The following SLC35F5 variants were observed in gnomAD, a reference collection of about 807,000 sequenced individuals.
SLC35F5 encodes HCV NS5A-transactivated protein 3.
In SLC35F5, 54 loss-of-function variants were observed where a neutral mutation model predicts 68.6. That is an observed-to-expected ratio of 0.79 (90% CI 0.63 to 0.99). The LOEUF is 0.99. SLC35F5 is among the 50% of genes least tolerant of loss of function. The pLI is 0.00. For missense variants in SLC35F5, 567 were observed against 626.9 expected (o/e 0.90, Z 1.02); for synonymous variants, 211 against 205.2 (o/e 1.03, Z -0.24).
chr2:113,756,113 A>T, intron 1 of SLC35F5: 1 of 1,445,414 alleles, frequency 6.9e-7, no homozygotes, highest in African/African-American at 1.4e-5. Flanking sequence ...TCTGTTTTGG[A>T]GCGGGGAAGA....
At chr2:113,741,540 A>G (rs570827114) in intron 7 of SLC35F5, among the ~76,000 whole-genome samples, 2 of 152,154 alleles carry the variant, frequency 1.3e-5, no homozygotes, top group South Asian at 2.1e-4. Flanking sequence ...TGTCTCTACT[A>G]AAAATACAAA....
rs766055775 is a variant in SLC35F5, at chr2:113,725,464, G to A, written c.1164C>T (p.Asp388=). Residue 388 remains aspartate, a synonymous_variant, in exon 12 of 16, where the codon GAC becomes GAT. Transcript: ENST00000245680. The stretch of plus-strand genomic sequence containing the variant: ...ATACTACTTTATTGGGAAACTCGAA[G>A]TCCTCAAATCCAGTATAATGAAGTA... The part of the protein sequence containing the change: ...FFLLHYTGFE[D]FEFPNKVVLM... The A allele has an allele frequency of 6.2e-7, 1 of 1,611,462 alleles. No individual in the cohort carries two copies. The highest frequency in any genetic ancestry group is 8.5e-7 in the Non-Finnish European group (1 of 1,179,214).
intron 3 of SLC35F5, among the ~76,000 whole-genome samples, chr2:113,753,335 C>A (rs1676834477): frequency 6.6e-6 from 1 of 151,970 alleles, no homozygotes; most frequent in East Asian, 1.9e-4. Flanking sequence ...CCCACCACCA[C>A]ACCCAGCTAA....
Position 113,717,642 on chromosome 2 carries a change from T to C in SLC35F5, c.*22+111A>G, listed in dbSNP as rs1387171805. ...ACTGGAGTCCAGGCTTTAGCCCCTTTAGCCTCTAAGGCTGTATTGCCTCTC... is the reference window on the plus strand; with the variant it reads ...ACTGGAGTCCAGGCTTTAGCCCCTTCAGCCTCTAAGGCTGTATTGCCTCTC... On this transcript the variant is annotated intron_variant, in intron 15 of 15. Transcript: ENST00000245680. The C allele has an allele frequency of 1.0e-5, 7 of 671,758 alleles. No homozygotes were observed. In the African/African-American group the frequency reaches 1.3e-4, roughly 12 times the overall value. 41.6% of individuals were successfully genotyped at this position (671,758 alleles called of 1,614,324 possible).
chr2:113,727,928 A>C (rs1251014112), intron 11 of SLC35F5, among the ~76,000 whole-genome samples: 1 of 152,232 alleles, frequency 6.6e-6, no homozygotes, highest in Non-Finnish European at 1.5e-5. Context: ...CACTAAAAAA[A>C]ACTAGCATTT....
downstream of SLC35F5, chr2:113,703,937 G>A (rs1468504613): frequency 6.6e-6 from 1 of 152,620 alleles, no homozygotes; most frequent in African/African-American, 2.4e-5. Flanking sequence ...CTCGCGGTGA[G>A]TGTTACAGTT....
chr2:113,703,316 A>G (rs1485167311), downstream of SLC35F5, among the ~76,000 whole-genome samples: 4 of 152,218 alleles, frequency 2.6e-5, 1 homozygote, highest in South Asian at 4.1e-4. Flanking sequence ...GTTACAGTCC[A>G]TATGCTAAAA....
chr2:113,750,375 A>C (rs771790297), intron 4 of SLC35F5, 50 bp downstream of exon 4: 1 of 1,477,008 alleles, frequency 6.8e-7, no homozygotes, highest in South Asian at 1.4e-5. Context: ...AACTTTGAAA[A>C]AACGTATCTA....
At chr2:113,706,556 A>T (rs1686803786), downstream of SLC35F5, among the ~76,000 whole-genome samples, 1 of 152,184 alleles carries the variant, frequency 6.6e-6, no homozygotes, top group African/African-American at 2.4e-5. Context: ...GGGCAATTTG[A>T]TTATTCAAAA....
chr2:113,755,382 A>C, intron 2 of SLC35F5, 72 bp downstream of exon 2: 9 of 1,606,588 alleles, frequency 5.6e-6, no homozygotes, highest in Middle Eastern at 1.7e-4. Context: ...ACATTAGTAT[A>C]ACAGAAACAT....
chr2:113,718,018 T>G (rs573287498), intron 14 of SLC35F5, among the ~76,000 whole-genome samples, 168 bp from the exon 15 acceptor site: 3 of 152,150 alleles, frequency 2.0e-5, no homozygotes, highest in Non-Finnish European at 2.9e-5. Context: ...GCGTTTTTTG[T>G]TTTTGTTTTT....
At chr2:113,715,315 ATACT>A (rs1687137357) in intron 15 of SLC35F5, 120 bp from the exon 16 acceptor site, 1 of 152,246 alleles carries the variant, frequency 6.6e-6, no homozygotes, top group African/African-American at 2.4e-5. Flanking sequence ...CACTGTATAC[ATACT>A]TAATAACTGG....
chr2:113,750,387 A>AC (rs781341995), intron 4 of SLC35F5, 38 bp downstream of exon 4: 2 of 1,532,168 alleles, frequency 1.3e-6, no homozygotes, highest in Non-Finnish European at 1.8e-6. Context: ...ACGTATCTAT[A>AC]CCCCCTTCCT....
Position 113,717,745 on chromosome 2 carries a change from A to G in SLC35F5, c.*22+8T>C. The G allele has an allele frequency of 6.4e-7, 1 of 1,572,972 alleles. No homozygotes were observed. On this transcript the variant is annotated splice_region_variant and intron_variant, in intron 15 of 15. Transcript: ENST00000245680. Reference sequence around the variant, plus strand: ...TTATTCAATACTAAACCCAGCTCACATACAAACCTGGGCTACAGACAACAG... The same window carrying G: ...TTATTCAATACTAAACCCAGCTCACGTACAAACCTGGGCTACAGACAACAG...
intron 7 of SLC35F5, among the ~76,000 whole-genome samples, chr2:113,738,296 T>C (rs2104452901): frequency 6.6e-6 from 1 of 152,298 alleles, no homozygotes; most frequent in African/African-American, 2.4e-5. Context: ...CATTCTACTC[T>C]TTCCTTCTTT....
At chr2:113,740,185 C>A (rs762056238) in intron 7 of SLC35F5, among the ~76,000 whole-genome samples, 5 of 152,004 alleles carry the variant, frequency 3.3e-5, no homozygotes, top group Admixed American at 6.6e-5. Context: ...AAGATAAGAG[C>A]CAGATTAAAT....
intron 3 of SLC35F5, among the ~76,000 whole-genome samples, chr2:113,751,805 T>C (rs1270503530): frequency 8.0e-6 from 1 of 124,240 alleles, no homozygotes; most frequent in African/African-American, 3.0e-5. Context: ...AGCGTGAGAC[T>C]CTGTCCCCAA....
At position 113,756,414 on chromosome 2, in the gene SLC35F5, G is replaced by T. The variant is rs1015517831; in HGVS notation, c.-5C>A. The T allele has an allele frequency of 6.4e-7, 1 of 1,552,364 alleles. No homozygotes were observed. On this transcript the variant is annotated 5_prime_UTR_variant, in exon 1 of 16. Coordinates refer to ENST00000245680, the MANE Select transcript of SLC35F5 (RefSeq NM_025181.5). ...ATGGCGTCGTGGCGGCACCATGAGC[G>T]GACCGGTCAGGCCCCGCAGCCGCCC...
chr2:113,704,645 C>T (rs888980695), downstream of SLC35F5, among the ~76,000 whole-genome samples: 3 of 151,842 alleles, frequency 2.0e-5, no homozygotes, highest in Non-Finnish European at 4.4e-5. Context: ...GCCGCTGGCC[C>T]GGGTGCTAAG....
Sources: gnomAD v4.1 joint callset for allele counts (sites outside exome capture counted in the v4.1 genomes callset) on GRCh38, gnomAD v4.1.1 for gene constraint, MANE v1.5 for transcripts, NCBI Gene and HGNC (gene_info 2026-07-23, HGNC 2026-07-21) for gene names.